The following WWOX variants were observed in gnomAD, a reference collection of about 807,000 sequenced individuals.
WWOX encodes WW domain-containing oxidoreductase.
A neutral mutation model predicts 46.2 loss-of-function variants in WWOX; 69 were observed. That is an observed-to-expected ratio of 1.49 (90% CI 1.23 to 1.82). WWOX has a LOEUF of 1.82. Ranked by LOEUF, WWOX falls within the 40% of genes most tolerant of loss-of-function variation. The pLI, the probability that WWOX is intolerant of heterozygous loss-of-function variation, is 0.00. For missense variants in WWOX, 919 were observed against 542.6 expected, an observed-to-expected ratio of 1.69 and a Z score of -6.89; for synonymous variants, 359 against 202.6, an observed-to-expected ratio of 1.77 and a Z score of -6.56.
intron 8 of WWOX, among the ~76,000 whole-genome samples, chr16:79,045,767 CTTTTTTCTTTTCCT>C: frequency 1.0e-5 from 1 of 100,000 alleles, no homozygotes; most frequent in South Asian, 3.4e-4. Context: ...CTCGTCTTTC[CTTTTTTCTTTTCCT>C]TTTTTTTTTT....
chr16:78,215,190 T>C (rs866063934), intron 5 of WWOX, among the ~76,000 whole-genome samples: 31 of 152,346 alleles, frequency 2.0e-4, no homozygotes, highest in Middle Eastern at 3.4e-3. Context: ...CTTCCCCATA[T>C]CAAGCACCTG....
intron 8 of WWOX, among the ~76,000 whole-genome samples, chr16:78,529,820 C>T (rs967737331): frequency 7.9e-5 from 12 of 152,144 alleles, no homozygotes; most frequent in South Asian, 2.1e-4. Context: ...TAAAGGGAGC[C>T]AGCTATACTT....
intron 4 of WWOX, among the ~76,000 whole-genome samples, chr16:78,150,088 A>G (rs1299944402): frequency 6.6e-6 from 1 of 152,204 alleles, no homozygotes. Context: ...AGCAAGTTCA[A>G]GATTGTCAAG....
At chr16:78,607,040 A>C (rs1388483891) in intron 8 of WWOX, among the ~76,000 whole-genome samples, 1 of 152,140 alleles carries the variant, frequency 6.6e-6, no homozygotes, top group African/African-American at 2.4e-5. Context: ...AGAGTTCCCC[A>C]CTTCTCAGAA....
chr16:78,479,563 A>G (rs536312951), intron 8 of WWOX, among the ~76,000 whole-genome samples: 2 of 152,342 alleles, frequency 1.3e-5, no homozygotes, highest in African/African-American at 4.8e-5. Context: ...ATATTTTCAT[A>G]GTGAAAATGG....
At position 78,717,620 on chromosome 16, in the gene WWOX, T is replaced by C. The variant is rs557259377; in HGVS notation, c.1056+284868T>C. ...TTGGGTTTTGATGAATGAATAGGAG[T>C]TTCCCCAGACACACGGAGGAGACAG... On this transcript the variant is annotated intron_variant, in intron 8 of 8. Transcript: ENST00000566780. Among the ~76,000 whole-genome samples the C allele has an allele frequency of 1.2e-4, 19 of 152,048 alleles. No individual in the cohort carries two copies. The East Asian group carries it at 3.5e-3, about 28-fold the overall frequency.
rs80302148 is a variant in WWOX at position 78,226,808 on chromosome 16, C to T, written c.516+62519C>T. Among the ~76,000 whole-genome samples the T allele has an allele frequency of 2.5e-3, 380 of 152,196 alleles. 1 individual carries two copies. Among genetic ancestry groups the T allele is most frequent in the African/African-American group, 8.9e-3 (370 of 41,522 alleles). ...TGTCGTACGCAGGAAGTACGTTTCC[C>T]CCAGCCTTCCCTACCTGCTGAGGGC... On this transcript the variant is annotated intron_variant, in intron 5 of 8. Coordinates refer to ENST00000566780, the MANE Select transcript of WWOX (RefSeq NM_016373.4).
chr16:79,120,815 C>T (rs1175705531), intron 8 of WWOX, among the ~76,000 whole-genome samples: 1 of 152,200 alleles, frequency 6.6e-6, no homozygotes, highest in Non-Finnish European at 1.5e-5. Context: ...GTTGCCCCGG[C>T]TGGAGTGCAG....
intron 5 of WWOX, among the ~76,000 whole-genome samples, chr16:78,246,236 C>A (rs1183805640): frequency 6.6e-6 from 1 of 152,156 alleles, no homozygotes; most frequent in African/African-American, 2.4e-5. Context: ...GAATTAAATA[C>A]AACCTATTTA....
chr16:78,172,024 G>C (rs1265504010), intron 5 of WWOX, among the ~76,000 whole-genome samples: 2 of 152,316 alleles, frequency 1.3e-5, no homozygotes, highest in African/African-American at 2.4e-5. Flanking sequence ...TTAGAGGCTG[G>C]AAGAGGCATA....
At chr16:78,824,597 G>C (rs1240774276) in intron 8 of WWOX, among the ~76,000 whole-genome samples, 2 of 152,116 alleles carry the variant, frequency 1.3e-5, no homozygotes, top group Admixed American at 1.3e-4. Flanking sequence ...GGAGGCCTCA[G>C]AATCATGGCA....
rs1014448587 is a variant in WWOX, at chr16:78,693,171, C to T, written c.1056+260419C>T. On this transcript the variant is annotated intron_variant, in intron 8 of 8. Coordinates refer to ENST00000566780, the MANE Select transcript of WWOX (RefSeq NM_016373.4). ...GTATATTTAAAAAGCAATTATTTGCCCATCTCTTGTTCAACTCAGATATTG... is the reference window on the plus strand; with the variant it reads ...GTATATTTAAAAAGCAATTATTTGCTCATCTCTTGTTCAACTCAGATATTG... Among the ~76,000 whole-genome samples the T allele has an allele frequency of 3.9e-5, 6 of 152,180 alleles. No homozygotes were observed. The East Asian group carries it at 9.7e-4, about 25-fold the overall frequency.
chr16:78,737,053 C>G (rs137900786), intron 8 of WWOX, among the ~76,000 whole-genome samples: 224 of 151,992 alleles, frequency 1.5e-3, no homozygotes, highest in Non-Finnish European at 2.5e-3. Flanking sequence ...GGTTATATGT[C>G]TATTTTTTTG....
chr16:78,641,867 G>A (rs2046721677), intron 8 of WWOX, among the ~76,000 whole-genome samples: 2 of 152,170 alleles, frequency 1.3e-5, no homozygotes, highest in Admixed American at 1.3e-4. Context: ...AAATTAACGG[G>A]GAGCCGAAAT....
chr16:78,772,479 ATTC>A (rs2050088652), intron 8 of WWOX, among the ~76,000 whole-genome samples: 2 of 152,034 alleles, frequency 1.3e-5, no homozygotes, highest in African/African-American at 2.4e-5. Context: ...TAGACGTGTA[ATTC>A]TTCTTGGAAA....
intron 8 of WWOX, among the ~76,000 whole-genome samples, chr16:78,974,817 A>C (rs768691676): frequency 6.6e-6 from 1 of 152,050 alleles, no homozygotes; most frequent in African/African-American, 2.4e-5. Flanking sequence ...GAGACCCACA[A>C]CCTAAGCCGG....
At position 78,929,014 on chromosome 16, in the gene WWOX, A is replaced by C. The variant is rs187640277; in HGVS notation, c.1057-282594A>C. On this transcript the variant is annotated intron_variant, in intron 8 of 8. Coordinates refer to ENST00000566780, the MANE Select transcript of WWOX (RefSeq NM_016373.4). ...ATTTCTGTATATATAATATACGTTCACATATAGTTACATTAGATTTTTAAA... is the reference window on the plus strand; with the variant it reads ...ATTTCTGTATATATAATATACGTTCCCATATAGTTACATTAGATTTTTAAA... Among the ~76,000 whole-genome samples the C allele has an allele frequency of 2.0e-5, 3 of 152,336 alleles. No individual in the cohort carries two copies. In the East Asian group the frequency reaches 5.8e-4, roughly 29 times the overall value.
intron 8 of WWOX, among the ~76,000 whole-genome samples, chr16:79,187,911 T>C (rs2051051241): frequency 6.6e-6 from 1 of 152,232 alleles, no homozygotes; most frequent in Non-Finnish European, 1.5e-5. Flanking sequence ...CTGTGAGTCC[T>C]TCCTGTGCAC....
rs78571797 is a variant in WWOX at position 78,456,933 on chromosome 16, C to T, written c.1056+24181C>T. 2.1e-3 allele frequency among the ~76,000 whole-genome samples: 318 copies of T among 152,340 alleles called. 4 individuals are homozygous for T. Among genetic ancestry groups the T allele is most frequent in the African/African-American group, 7.1e-3 (294 of 41,584 alleles). ...GGCTGATCACCCTTATGAAGAGTTA[C>T]TTGCATTGTTTGAAGAGGGAAGATG... On this transcript the variant is annotated intron_variant, in intron 8 of 8. Transcript: ENST00000566780.
Sources: allele counts gnomAD v4.1 joint callset (sites outside exome capture counted in the v4.1 genomes callset), GRCh38; gene constraint gnomAD v4.1.1; transcripts MANE v1.5; gene names NCBI Gene and HGNC (gene_info 2026-07-23, HGNC 2026-07-21).